The following PLXNA4 variants were observed in gnomAD, a reference collection of about 807,000 sequenced individuals.
The protein encoded by PLXNA4 is plexin A4.
In PLXNA4, 44 loss-of-function variants were observed where a neutral mutation model predicts 191.8. That is an observed-to-expected ratio of 0.23 (90% confidence interval 0.18 to 0.29). The LOEUF is 0.29. Ranked by LOEUF, PLXNA4 falls within the 10% of genes least tolerant of loss-of-function variation. PLXNA4 has a pLI of 1.00. For missense variants in PLXNA4, 1,800 were observed against 2,488.8 expected, an observed-to-expected ratio of 0.72 and a Z score of 5.89; for synonymous variants, 1,082 against 1,009.5, an observed-to-expected ratio of 1.07 and a Z score of -1.36.
intron 2 of PLXNA4, among the ~76,000 whole-genome samples, chr7:132,586,880 T>C (rs989721849): frequency 6.6e-6 from 1 of 152,136 alleles, no homozygotes; most frequent in African/African-American, 2.4e-5. Flanking sequence ...CAGTGAGCCA[T>C]GATTGCACCA....
At chr7:132,166,378 T>G (rs1371116208) in intron 22 of PLXNA4, among the ~76,000 whole-genome samples, 1 of 149,100 alleles carries the variant, frequency 6.7e-6, no homozygotes, top group African/African-American at 2.4e-5. Flanking sequence ...ACTTTGGAAG[T>G]GAAGATGCAG....
At chr7:132,203,210 C>T in intron 11 of PLXNA4, 113 bp downstream of exon 11, 1 of 920,310 alleles carries the variant, frequency 1.1e-6, no homozygotes, top group Non-Finnish European at 1.7e-6. Flanking sequence ...GGGAGAGGGA[C>T]AGCCACTAGG....
chr7:132,435,478 C>T (rs1471615792), intron 3 of PLXNA4, among the ~76,000 whole-genome samples: 1 of 152,132 alleles, frequency 6.6e-6, no homozygotes, highest in African/African-American at 2.4e-5. Flanking sequence ...AGGACCACCA[C>T]CATCCTCCAA....
Position 132,130,339 on chromosome 7 carries a change from C to T in PLXNA4, c.*140G>A. 8.4e-7 allele frequency: 1 copy of T among 1,184,496 alleles called. No homozygotes were observed. The highest frequency in any genetic ancestry group is 1.2e-6 in the Non-Finnish European group (1 of 836,658). The allele number at this position is 1,184,496 out of a possible 1,614,324, so 73.4% of individuals were successfully genotyped here. On this transcript the variant is annotated 3_prime_UTR_variant, in exon 32 of 32. Transcript: ENST00000321063. The stretch of plus-strand genomic sequence containing the variant: ...GGAAGGAGGGAGAAACGGAAAGAGG[C>T]AGAGAGAAAGAGAGAGAAACAGCGC...
intron 3 of PLXNA4, among the ~76,000 whole-genome samples, chr7:132,436,589 A>G (rs1359104192): frequency 2.0e-5 from 3 of 152,196 alleles, no homozygotes; most frequent in South Asian, 2.1e-4. Flanking sequence ...TCAATTTCCA[A>G]TCGTTGGAGA....
chr7:132,284,745 A>G (rs1800620379), intron 4 of PLXNA4, among the ~76,000 whole-genome samples: 1 of 152,222 alleles, frequency 6.6e-6, no homozygotes. Context: ...GAGTTTATGA[A>G]TGATGGAAGA....
chr7:132,210,272 G>A (rs1375549651), intron 10 of PLXNA4, among the ~76,000 whole-genome samples: 3 of 152,204 alleles, frequency 2.0e-5, no homozygotes, highest in Admixed American at 6.5e-5. Flanking sequence ...GGGAAGTCAG[G>A]AAAGGTGATA....
At chr7:132,499,251 C>A (rs1206776795) in intron 2 of PLXNA4, among the ~76,000 whole-genome samples, 1 of 152,244 alleles carries the variant, frequency 6.6e-6, no homozygotes, top group Admixed American at 6.5e-5. Flanking sequence ...CGTGTTCCTC[C>A]CTCTGAGAAG....
At chr7:132,185,270 C>A (rs780446068) in intron 16 of PLXNA4, 29 bp downstream of exon 16, 4 of 1,592,398 alleles carry the variant, frequency 2.5e-6, no homozygotes, top group Non-Finnish European at 3.4e-6. Context: ...GGTGCAGAAG[C>A]ATTAAGGTCC....
intron 3 of PLXNA4, among the ~76,000 whole-genome samples, chr7:132,340,532 T>C (rs1052161852): frequency 6.6e-6 from 1 of 152,158 alleles, no homozygotes; most frequent in African/African-American, 2.4e-5. Flanking sequence ...GTGAATTTAG[T>C]GTACACCAAG....
At chr7:132,632,798 C>A (rs988144123) in intron 2 of PLXNA4, among the ~76,000 whole-genome samples, 1 of 152,132 alleles carries the variant, frequency 6.6e-6, no homozygotes, top group Non-Finnish European at 1.5e-5. Context: ...TAAATTTAGA[C>A]TTATGAAAAA....
intron 2 of PLXNA4, among the ~76,000 whole-genome samples, chr7:132,590,687 C>G (rs1338194960): frequency 6.6e-6 from 1 of 152,138 alleles, no homozygotes. Context: ...TTAGCTGGTA[C>G]CCACGCAGAT....
intron 3 of PLXNA4, chr7:132,368,010 C>G (rs1026758704): frequency 6.6e-6 from 1 of 152,196 alleles, no homozygotes; most frequent in Non-Finnish European, 1.5e-5. Context: ...ATGCTCCAGG[C>G]CTGACGGAGG....
intron 2 of PLXNA4, among the ~76,000 whole-genome samples, chr7:132,618,020 G>A (rs1186847010): frequency 6.6e-6 from 1 of 152,100 alleles, no homozygotes; most frequent in Non-Finnish European, 1.5e-5. Context: ...ATCAGAGCAG[G>A]AAGGCAGACC....
chr7:132,478,283 T>G (rs1181280232), intron 3 of PLXNA4, among the ~76,000 whole-genome samples: 1 of 152,224 alleles, frequency 6.6e-6, no homozygotes, highest in Non-Finnish European at 1.5e-5. Flanking sequence ...CCAGAACAAC[T>G]TTGATCATAA....
intron 4 of PLXNA4, among the ~76,000 whole-genome samples, chr7:132,252,536 C>T (rs1799291599): frequency 6.6e-6 from 1 of 151,988 alleles, no homozygotes; most frequent in South Asian, 2.1e-4. Context: ...CTTCTGACCT[C>T]GTGATCCACC....
rs767443892 is a variant in PLXNA4, at chr7:132,124,846, G to A, written c.*5633C>T. On this transcript the variant is annotated 3_prime_UTR_variant, in exon 32 of 32. Coordinates refer to ENST00000321063, the MANE Select transcript of PLXNA4 (RefSeq NM_020911.2). Reference sequence around the variant, plus strand: ...CCAATACAAACAGAAAGTTCTTTTTGTATATGAAGGATTTTGTTTCGTTTT... The same window carrying A: ...CCAATACAAACAGAAAGTTCTTTTTATATATGAAGGATTTTGTTTCGTTTT... The A allele has an allele frequency of 1.6e-4, 24 of 152,192 alleles. No individual in the cohort carries two copies. Among genetic ancestry groups the A allele is most frequent in the Non-Finnish European group, 2.6e-4 (18 of 68,024 alleles). 9.4% of individuals were successfully genotyped at this position (152,192 alleles called of 1,614,324 possible). A position where few individuals can be genotyped will look rare whatever the true frequency, so the allele number is the denominator to read the frequency against.
chr7:132,526,654 A>G (rs1004149119), intron 1 of PLXNA4, among the ~76,000 whole-genome samples: 2 of 152,164 alleles, frequency 1.3e-5, no homozygotes, highest in African/African-American at 4.8e-5. Flanking sequence ...TTTGGGGATA[A>G]TGACTCTTCT....
At chr7:132,486,511 G>A (rs962617437) in intron 3 of PLXNA4, among the ~76,000 whole-genome samples, 5 of 152,198 alleles carry the variant, frequency 3.3e-5, no homozygotes, top group African/African-American at 7.2e-5. Context: ...CACGGGAGCC[G>A]GGCTTGAGCA....
Sources: gnomAD v4.1 joint callset for allele counts (sites outside exome capture counted in the v4.1 genomes callset) on GRCh38, gnomAD v4.1.1 for gene constraint, MANE v1.5 for transcripts, NCBI Gene and HGNC (gene_info 2026-07-23, HGNC 2026-07-21) for gene names.